The following TTLL4 variants were observed in gnomAD, a reference collection of about 807,000 sequenced individuals.
TTLL4 encodes the protein tubulin monoglutamylase TTLL4.
TTLL4 carries 85 observed loss-of-function variants against 122.7 expected under a neutral mutation model. The observed-to-expected ratio is 0.69, with a 90% CI of 0.58 to 0.83. The LOEUF (loss-of-function observed/expected upper bound fraction) is 0.83, where lower values mean the gene tolerates loss of function less well. Ranked by LOEUF, TTLL4 falls within the 40% of genes least tolerant of loss-of-function variation. TTLL4 has a pLI of 0.00. For missense variants in TTLL4, 1,363 were observed against 1,488.6 expected, an observed-to-expected ratio of 0.92 and a Z score of 1.39; for synonymous variants, 553 against 563.0, an observed-to-expected ratio of 0.98 and a Z score of 0.25.
chr2:218,756,378 A>C (rs1223327497), downstream of TTLL4, among the ~76,000 whole-genome samples: 2 of 152,202 alleles, frequency 1.3e-5, no homozygotes, highest in African/African-American at 2.4e-5. Flanking sequence ...TTAGGAAATT[A>C]AGTCCTTGTG....
At chr2:218,736,534 T>A (rs1192594015) in intron 2 of TTLL4, among the ~76,000 whole-genome samples, 1 of 152,218 alleles carries the variant, frequency 6.6e-6, no homozygotes, top group African/African-American at 2.4e-5. Flanking sequence ...AAAGCTTCTG[T>A]CCTCTTCTTA....
At chr2:218,758,146 C>T (rs1395746400), downstream of TTLL4, among the ~76,000 whole-genome samples, 1 of 152,154 alleles carries the variant, frequency 6.6e-6, no homozygotes, top group Non-Finnish European at 1.5e-5. Context: ...TCATATGTTG[C>T]TCTCGGCAAA....
intron 5 of TTLL4, among the ~76,000 whole-genome samples, chr2:218,743,502 A>G (rs1256243290): frequency 6.6e-6 from 1 of 152,200 alleles, no homozygotes; most frequent in Admixed American, 6.5e-5. Context: ...TAAAGCTGCT[A>G]TAAATAATCA....
intron 19 of TTLL4, 135 bp downstream of exon 19, chr2:218,753,804 G>A (rs1943089661): frequency 3.1e-6 from 3 of 959,130 alleles, no homozygotes; most frequent in South Asian, 2.9e-5. Flanking sequence ...AGGACATGCA[G>A]CCATAGCATC....
At chr2:218,758,704 G>A (rs550543680), downstream of TTLL4, among the ~76,000 whole-genome samples, 3 of 152,216 alleles carry the variant, frequency 2.0e-5, no homozygotes. Context: ...CCAAGTGTCA[G>A]TATGATACTG....
chr2:218,715,638 T>TTTTC (rs1462922523), intron 1 of TTLL4, among the ~76,000 whole-genome samples: 1 of 152,144 alleles, frequency 6.6e-6, no homozygotes. Flanking sequence ...ATCTTTTTTT[T>TTTTC]TTTCTTTCTT....
Position 218,748,884 on chromosome 2 carries a change from C to G in TTLL4, c.2550C>G (p.Ser850Arg), listed in dbSNP as rs114062474. ...ACCTGAGCCAGAAGGGAGTCAATAG[C>G]GACGCCATCTGGGAGAAGATAAAGG... The part of the protein sequence containing the change: ...WNYLSQKGVN[S>R]DAIWEKIKDV... The change falls in exon 13 of 20, where the codon AGC becomes AGG. Residue 850 changes from serine (S) to arginine (R), a missense_variant. Ser to Arg is a moderately radical substitution (Grantham distance 110). This residue lies in a region of TTLL4 where 596 missense variants were observed against 655.8 expected (regional missense o/e 0.91). Transcript: ENST00000392102. 10 of 1,614,056 alleles carry G rather than the reference C, an allele frequency of 6.2e-6. No individual in the cohort carries two copies. Among genetic ancestry groups the G allele is most frequent in the Non-Finnish European group, 8.5e-6 (10 of 1,179,988 alleles).
Position 218,738,081 on chromosome 2 carries a change from C to T in TTLL4, c.405C>T (p.Cys135=), listed in dbSNP as rs767167148. 2 of 1,614,004 alleles carry T rather than the reference C, an allele frequency of 1.2e-6. No individual in the cohort carries two copies. Among genetic ancestry groups the T allele is most frequent in the Non-Finnish European group, 1.7e-6 (2 of 1,180,058 alleles). ...QKPYQQLESF[C]LRSSPSEKSP... is the part of the protein sequence containing the mutation. The stretch of plus-strand genomic sequence containing the variant: ...CGTACCAGCAACTGGAGTCTTTCTG[C>T]TTGCGTTCGAGCCCGTCAGAAAAAA... Residue 135 remains cysteine, a synonymous_variant, in exon 3 of 20, where the codon TGC becomes TGT. Coordinates refer to ENST00000392102, the MANE Select transcript of TTLL4 (RefSeq NM_014640.5).
Position 218,752,879 on chromosome 2 carries a change from C to T in TTLL4, c.3093C>T (p.Ile1031=), listed in dbSNP as rs1207624762. The T allele has an allele frequency of 6.2e-7, 1 of 1,614,056 alleles. No individual in the cohort carries two copies. Among genetic ancestry groups the T allele is most frequent in the East Asian group, 2.2e-5 (1 of 44,904 alleles). The change falls in exon 17 of 20, where the codon ATC becomes ATT. Residue 1031 remains isoleucine, a synonymous_variant. Coordinates refer to ENST00000392102, the MANE Select transcript of TTLL4 (RefSeq NM_014640.5). ...GQFERIFPSH[I]SSRYLRFFEQ... ...TTGAACGAATTTTTCCTTCTCATATCTCCTCTCGCTATCTCCGCTTTTTTG... is the reference window on the plus strand; with the variant it reads ...TTGAACGAATTTTTCCTTCTCATATTTCCTCTCGCTATCTCCGCTTTTTTG...
chr2:218,738,113 T>G lies in TTLL4; in HGVS notation c.437T>G (p.Phe146Cys). Reference protein sequence around the residue: ...LRSSPSEKSPFSLPQKSLPVS... With the variant: ...LRSSPSEKSPCSLPQKSLPVS... ...TCGAGCCCGTCAGAAAAAAGCCCTT[T>G]TTCTCTCCCTCAAAAGAGCCTCCCT... Residue 146 changes from phenylalanine (F) to cysteine (C), a missense_variant, in exon 3 of 20, where the codon TTT becomes TGT. By Grantham distance (205) the Phe-to-Cys change is radical. Transcript: ENST00000392102. 1 of 1,613,942 alleles carries G rather than the reference T, an allele frequency of 6.2e-7. No individual in the cohort carries two copies. Among genetic ancestry groups the G allele is most frequent in the Non-Finnish European group, 8.5e-7 (1 of 1,180,000 alleles).
At position 218,748,868 on chromosome 2, in the gene TTLL4, A is replaced by G. The variant is rs780445786; in HGVS notation, c.2534A>G (p.Gln845Arg). ...AAGGCTTTGTGGAACTACCTGAGCCAGAAGGGAGTCAATAGCGACGCCATC... is the reference window on the plus strand; with the variant it reads ...AAGGCTTTGTGGAACTACCTGAGCCGGAAGGGAGTCAATAGCGACGCCATC... ...ALKALWNYLS[Q>R]KGVNSDAIWE... is the part of the protein sequence containing the mutation. The change falls in exon 13 of 20, where the codon CAG (glutamine) becomes CGG (arginine). Residue 845 changes from glutamine (Q) to arginine (R), a missense_variant. Around this residue, in one of 3 missense-constraint regions of TTLL4, gnomAD observed 596 missense variants for 655.8 expected, o/e 0.91. Coordinates refer to ENST00000392102, the MANE Select transcript of TTLL4 (RefSeq NM_014640.5). 8.7e-6 allele frequency: 14 copies of G among 1,614,176 alleles called. No homozygotes were observed. In the South Asian group the frequency reaches 1.3e-4, roughly 15 times the overall value.
intron 12 of TTLL4, 138 bp downstream of exon 12, chr2:218,748,365 C>A: frequency 7.5e-7 from 1 of 1,330,590 alleles, no homozygotes; most frequent in Non-Finnish European, 1.0e-6. Context: ...CAGAATTGGT[C>A]TATTTGAGGC....
At chr2:218,712,426 AC>A (rs1469940363) in intron 1 of TTLL4, among the ~76,000 whole-genome samples, 1 of 149,598 alleles carries the variant, frequency 6.7e-6, no homozygotes, top group African/African-American at 2.5e-5. Flanking sequence ...TTGCTCCGTC[AC>A]CCAGGCTGGA....
rs1177844712 is a variant in TTLL4, at chr2:218,738,894, C to T, written c.1218C>T (p.Thr406=). ...GGGTCCTCCCTGGTGCCTCAGATAC[C>T]TTGGGGTTGGACAATACAGTCTTCT... ...VRRVLPGASD[T]LGLDNTVFCT... The change falls in exon 3 of 20, where the codon ACC becomes ACT. Residue 406 remains threonine (T), a synonymous_variant. Transcript: ENST00000392102. 4.3e-6 allele frequency: 7 copies of T among 1,614,056 alleles called. No individual in the cohort carries two copies. Among genetic ancestry groups the T allele is most frequent in the African/African-American group, 1.3e-5 (1 of 74,912 alleles).
Position 218,747,389 on chromosome 2 carries a change from T to A in TTLL4, c.2249+17T>A, listed in dbSNP as rs769621431. ...GGTACAGAGGTGAGCCTGTAGCACA[T>A]ATCCCTTACCCCATCCTCCCACCTC... On this transcript the variant is annotated intron_variant, in intron 10 of 19. Coordinates refer to ENST00000392102, the MANE Select transcript of TTLL4 (RefSeq NM_014640.5). This position sits in a 1 kb window ranked among gnomAD's most constrained non-coding sequence, Gnocchi z 4.7. 1.2e-6 allele frequency: 2 copies of A among 1,613,270 alleles called. No homozygotes were observed. Among genetic ancestry groups the A allele is most frequent in the African/African-American group, 2.7e-5 (2 of 74,902 alleles).
intron 2 of TTLL4, among the ~76,000 whole-genome samples, chr2:218,728,949 G>C (rs559699210): frequency 2.0e-4 from 30 of 148,640 alleles, no homozygotes; most frequent in Non-Finnish European, 3.7e-4. Flanking sequence ...TTTGGCGGGG[G>C]GGGGCATAGT....
At chr2:218,746,296 T>G in intron 8 of TTLL4, 65 bp downstream of exon 8, 8 of 1,514,642 alleles carry the variant, frequency 5.3e-6, no homozygotes, top group Non-Finnish European at 4.5e-6. Flanking sequence ...AGGGGGATGA[T>G]GTGAGTAGGG....
chr2:218,759,554 A>G (rs1330813734), downstream of TTLL4, among the ~76,000 whole-genome samples: 3 of 152,274 alleles, frequency 2.0e-5, no homozygotes, highest in Non-Finnish European at 2.9e-5. Context: ...CTTGCCAGGG[A>G]CTATAGATGA....
chr2:218,740,641 A>G, intron 5 of TTLL4, 57 bp downstream of exon 5: 1 of 1,583,486 alleles, frequency 6.3e-7, no homozygotes, highest in South Asian at 1.1e-5. Flanking sequence ...CTTAAAGATT[A>G]TAAAGAGATA....
Sources: gnomAD v4.1 joint callset for allele counts (sites outside exome capture counted in the v4.1 genomes callset) on GRCh38, gnomAD v4.1.1 for gene constraint, gnomAD v4.1.1 regional missense constraint, Gnocchi (gnomAD v3.1) non-coding constraint, MANE v1.5 for transcripts, NCBI Gene and HGNC (gene_info 2026-07-23, HGNC 2026-07-21) for gene names.